PARD6G: variants seen among roughly 807,000 people sequenced by gnomAD.
PARD6G encodes partitioning defective 6 homolog gamma.
In PARD6G, 7 loss-of-function variants were observed where a neutral mutation model predicts 10.7. The observed-to-expected ratio is 0.66, with a 90% CI of 0.37 to 1.23. PARD6G has a LOEUF of 1.23. PARD6G is among the 50% of genes most tolerant of loss of function. The pLI, the probability that PARD6G is intolerant of heterozygous loss-of-function variation, is 0.02. For missense variants in PARD6G, 548 were observed against 571.8 expected, an observed-to-expected ratio of 0.96 and a Z score of 0.42; for synonymous variants, 287 against 269.4, an observed-to-expected ratio of 1.07 and a Z score of -0.64.
chr18:80,172,387 T>A (rs2052783070), intron 2 of PARD6G, among the ~76,000 whole-genome samples: 1 of 151,848 alleles, frequency 6.6e-6, no homozygotes, highest in Middle Eastern at 3.4e-3. Context: ...GTCTTTTTTT[T>A]TTTTTTTTTG....
At chr18:80,208,079 G>T (rs1377654277) in intron 1 of PARD6G, among the ~76,000 whole-genome samples, 1 of 151,608 alleles carries the variant, frequency 6.6e-6, no homozygotes, top group Non-Finnish European at 1.5e-5. Flanking sequence ...GCAGCATTTA[G>T]ATTTCACTGT....
chr18:80,206,673 T>A (rs968360093), intron 1 of PARD6G, among the ~76,000 whole-genome samples: 2 of 152,244 alleles, frequency 1.3e-5, no homozygotes, highest in Non-Finnish European at 2.9e-5. Context: ...CTCATCTACC[T>A]GAGTGTGCAA....
chr18:80,171,948 G>A (rs1375243871), intron 2 of PARD6G, among the ~76,000 whole-genome samples: 1 of 152,182 alleles, frequency 6.6e-6, no homozygotes, highest in Non-Finnish European at 1.5e-5. Context: ...TTGAAAAGGG[G>A]GAAGAACGAT....
intron 2 of PARD6G, chr18:80,178,113 C>T (rs915395736): frequency 6.0e-6 from 1 of 167,150 alleles, no homozygotes; most frequent in Non-Finnish European, 1.5e-5. Flanking sequence ...TCCTAAGACC[C>T]ACCCAGCACA....
intron 2 of PARD6G, among the ~76,000 whole-genome samples, chr18:80,177,662 G>GCA (rs1426542659): frequency 1.6e-5 from 2 of 126,432 alleles, no homozygotes; most frequent in South Asian, 2.6e-4. Flanking sequence ...ATGCATGCAT[G>GCA]CACACACACA....
chr18:80,181,545 A>T lies in PARD6G; in HGVS notation c.296-20939T>A, dbSNP rs185165364. On this transcript the variant is annotated intron_variant, in intron 2 of 2. Transcript: ENST00000353265. The surrounding 1 kb of genome is among the most constrained non-coding windows in gnomAD (Gnocchi z 7.9). ...GAGCAACCCTACATCTCTGCTTCCA[A>T]AGTCCGGTAGGTGTGCCCTTCCCCT... 1.3e-5 allele frequency among the ~76,000 whole-genome samples: 2 copies of T among 152,118 alleles called. No homozygotes were observed.
intron 1 of PARD6G, among the ~76,000 whole-genome samples, chr18:80,237,515 C>T (rs1212786587): frequency 1.3e-5 from 2 of 152,144 alleles, no homozygotes; most frequent in Non-Finnish European, 2.9e-5. Context: ...TCTAATTAAA[C>T]TAAAGAACTT....
chr18:80,210,874 G>C (rs1354094282), intron 1 of PARD6G, among the ~76,000 whole-genome samples: 3 of 152,104 alleles, frequency 2.0e-5, no homozygotes, highest in Non-Finnish European at 4.4e-5. Flanking sequence ...TATGTGATAT[G>C]ACTGGCAAAA....
At chr18:80,195,825 A>G (rs1049962541) in intron 2 of PARD6G, among the ~76,000 whole-genome samples, 1 of 150,704 alleles carries the variant, frequency 6.6e-6, no homozygotes, top group Non-Finnish European at 1.5e-5. Flanking sequence ...CAGTGAGCTG[A>G]GATGGCACCA....
At chr18:80,212,644 G>T (rs1230563282) in intron 1 of PARD6G, among the ~76,000 whole-genome samples, 2 of 152,002 alleles carry the variant, frequency 1.3e-5, no homozygotes, top group Non-Finnish European at 1.5e-5. Context: ...CCAGCATTTT[G>T]GGAGGCCAAG....
chr18:80,208,214 G>A (rs1191730137), intron 1 of PARD6G, among the ~76,000 whole-genome samples: 1 of 152,154 alleles, frequency 6.6e-6, no homozygotes, highest in Non-Finnish European at 1.5e-5. Context: ...ACAGCATGCT[G>A]TAAATTACAT....
At position 80,247,418 on chromosome 18, in the gene PARD6G, G is replaced by T; in HGVS notation, c.-70C>A. The T allele has an allele frequency of 1.5e-6, 2 of 1,295,720 alleles. No homozygotes were observed. The highest frequency in any genetic ancestry group is 1.0e-6 in the Non-Finnish European group (1 of 958,358). The allele number at this position is 1,295,720 out of a possible 1,614,324, so 80.3% of individuals were successfully genotyped here. The stretch of plus-strand genomic sequence containing the variant: ...GGCCGCAGAAAGACTCCCGGGGGCG[G>T]CGCCCCCAGGCCCCGGCCCCGGCCC... On this transcript the variant is annotated 5_prime_UTR_variant, in exon 1 of 3. Transcript: ENST00000353265. This position sits in a 1 kb window ranked among gnomAD's most constrained non-coding sequence, Gnocchi z 4.2.
rs1967007295 is a variant in PARD6G at position 80,201,581 on chromosome 18, G to A, written c.295+1129C>T. Among the ~76,000 whole-genome samples, 1 of 152,248 alleles carries A rather than the reference G, an allele frequency of 6.6e-6. No homozygotes were observed. Among genetic ancestry groups the A allele is most frequent in the Non-Finnish European group, 1.5e-5 (1 of 68,040 alleles). ...CCAGTGAGAACTGCAGATGCAGAGT[G>A]TTCTGATCTTGTGCCAGAGAATCTG... On this transcript the variant is annotated intron_variant, in intron 2 of 2. Coordinates refer to ENST00000353265, the MANE Select transcript of PARD6G (RefSeq NM_032510.4). The surrounding 1 kb of genome is among the most constrained non-coding windows in gnomAD (Gnocchi z 5.9).
intron 2 of PARD6G, among the ~76,000 whole-genome samples, chr18:80,172,065 G>T (rs2052780934): frequency 6.6e-6 from 1 of 152,212 alleles, no homozygotes; most frequent in Admixed American, 6.5e-5. Context: ...ACACCTAGGG[G>T]TGGAATTACT....
At chr18:80,177,053 G>A (rs1298211630) in intron 2 of PARD6G, among the ~76,000 whole-genome samples, 1 of 111,900 alleles carries the variant, frequency 8.9e-6, no homozygotes, top group Non-Finnish European at 1.9e-5. Context: ...ACACACCACA[G>A]TATAAATCAC....
chr18:80,179,745 C>G (rs1045301500), intron 2 of PARD6G, among the ~76,000 whole-genome samples: 5 of 152,256 alleles, frequency 3.3e-5, no homozygotes, highest in African/African-American at 1.2e-4. Flanking sequence ...GATGCCCATG[C>G]CATGGGTTCC....
intron 1 of PARD6G, among the ~76,000 whole-genome samples, chr18:80,236,674 G>A (rs1194081688): frequency 6.6e-6 from 1 of 152,176 alleles, no homozygotes. Context: ...CAAAATCGAT[G>A]TGCAGAAATC....
In PARD6G at chr18:80,158,124, T is replaced by C. The variant is rs1231985946; in HGVS notation, c.*1647A>G. The C allele has an allele frequency of 6.6e-6, 1 of 152,234 alleles. No homozygotes were observed. The highest frequency in any genetic ancestry group is 1.5e-5 in the Non-Finnish European group (1 of 68,046). The allele number at this position is 152,234 out of a possible 1,614,324, so 9.4% of individuals were successfully genotyped here. A position where few individuals can be genotyped will look rare whatever the true frequency, so the allele number is the denominator to read the frequency against. ...TAGGAATTTTTAAAATTACTAAATA[T>C]ATAAACGTTGCTGGAAGATCAACAT... On this transcript the variant is annotated 3_prime_UTR_variant, in exon 3 of 3. Coordinates refer to ENST00000353265, the MANE Select transcript of PARD6G (RefSeq NM_032510.4).
intron 2 of PARD6G, among the ~76,000 whole-genome samples, chr18:80,194,235 C>T (rs148348715): frequency 4.6e-5 from 7 of 152,302 alleles, no homozygotes; most frequent in East Asian, 1.9e-4. Flanking sequence ...AATCCATCCT[C>T]GGTGCTGAGC....
Sources: allele counts gnomAD v4.1 joint callset (sites outside exome capture counted in the v4.1 genomes callset), GRCh38; gene constraint gnomAD v4.1.1; non-coding constraint Gnocchi (gnomAD v3.1); transcripts MANE v1.5; gene names NCBI Gene and HGNC (gene_info 2026-07-23, HGNC 2026-07-21).